The following NUBPL variants were observed in gnomAD, a reference collection of about 807,000 sequenced individuals.
NUBPL encodes the protein iron-sulfur cluster transfer protein NUBPL.
NUBPL carries 31 observed loss-of-function variants against 45.7 expected under a neutral mutation model. The ratio of observed to expected loss-of-function variants is 0.68; its 90% CI spans 0.51 to 0.92. The LOEUF (loss-of-function observed/expected upper bound fraction) is 0.92, where lower values mean the gene tolerates loss of function less well. Ranked by LOEUF, NUBPL falls within the 40% of genes least tolerant of loss-of-function variation. NUBPL has a pLI of 0.00. For synonymous variants in NUBPL, 144 were observed against 140.9 expected (o/e 1.02, Z -0.15); for missense variants, 401 against 398.7 (o/e 1.01, Z -0.05).
intron 10 of NUBPL, among the ~76,000 whole-genome samples, chr14:31,858,471 A>G (rs532403042): frequency 2.4e-4 from 37 of 152,380 alleles, no homozygotes; most frequent in South Asian, 8.3e-4. Context: ...TAAAATGCAA[A>G]TATCATTACC....
chr14:31,733,159 G>GA (rs1319151572), intron 6 of NUBPL, among the ~76,000 whole-genome samples: 1 of 151,770 alleles, frequency 6.6e-6, no homozygotes, highest in Admixed American at 6.6e-5. Flanking sequence ...AGCCTTGGTT[G>GA]AAAAAAAATG....
At chr14:31,612,276 G>A (rs1357762238) in intron 4 of NUBPL, among the ~76,000 whole-genome samples, 12 of 152,168 alleles carry the variant, frequency 7.9e-5, no homozygotes, top group South Asian at 4.1e-4. Flanking sequence ...CAAATCTATA[G>A]GAAAACAATC....
chr14:31,637,590 A>T (rs1213254248), intron 4 of NUBPL, among the ~76,000 whole-genome samples: 1 of 152,184 alleles, frequency 6.6e-6, no homozygotes, highest in Non-Finnish European at 1.5e-5. Flanking sequence ...AGAGTTCTGT[A>T]GATGTCTGTT....
intron 6 of NUBPL, chr14:31,686,835 G>C (rs906721261): frequency 6.6e-6 from 1 of 152,210 alleles, no homozygotes; most frequent in East Asian, 1.9e-4. Context: ...ATTCAGTATG[G>C]CTGGGCACTG....
At chr14:31,816,150 A>C (rs1296582221) in intron 7 of NUBPL, among the ~76,000 whole-genome samples, 3 of 152,160 alleles carry the variant, frequency 2.0e-5, no homozygotes, top group African/African-American at 2.4e-5. Context: ...TTCAGCTGTG[A>C]ATCCATCTGA....
chr14:31,677,291 T>C (rs559484309), intron 6 of NUBPL, among the ~76,000 whole-genome samples: 1 of 152,204 alleles, frequency 6.6e-6, no homozygotes, highest in Non-Finnish European at 1.5e-5. Context: ...TATTCATTCT[T>C]TCTGTTTGTT....
rs577158473 is a variant in NUBPL, at chr14:31,709,853, A to G, written c.513+36279A>G. Among the ~76,000 whole-genome samples the G allele has an allele frequency of 5.9e-5, 9 of 152,282 alleles. No individual in the cohort carries two copies. The East Asian group carries it at 1.4e-3, about 23-fold the overall frequency. On this transcript the variant is annotated intron_variant, in intron 6 of 10. Transcript: ENST00000281081. Reference sequence around the variant, plus strand: ...TATTTCCTTCTGGGCAGGGGAGATTAGAGGAGGATTATCGTTAATAGGACG... The same window carrying G: ...TATTTCCTTCTGGGCAGGGGAGATTGGAGGAGGATTATCGTTAATAGGACG...
intron 6 of NUBPL, among the ~76,000 whole-genome samples, chr14:31,675,853 C>G (rs371889016): frequency 2.0e-5 from 3 of 151,940 alleles, no homozygotes; most frequent in East Asian, 3.9e-4. Flanking sequence ...AATATATATA[C>G]CTATGTAATC....
intron 7 of NUBPL, among the ~76,000 whole-genome samples, chr14:31,793,699 A>G (rs2039424702): frequency 6.6e-6 from 1 of 151,918 alleles, no homozygotes; most frequent in Non-Finnish European, 1.5e-5. Context: ...ATTTTTTCCT[A>G]TTTATCATAG....
intron 6 of NUBPL, among the ~76,000 whole-genome samples, chr14:31,749,348 C>G (rs1290295516): frequency 6.6e-6 from 1 of 152,178 alleles, no homozygotes; most frequent in Non-Finnish European, 1.5e-5. Context: ...CCTTTTGCTT[C>G]CAGATGAAGG....
intron 4 of NUBPL, among the ~76,000 whole-genome samples, chr14:31,613,281 G>A (rs986431270): frequency 2.0e-5 from 3 of 152,266 alleles, no homozygotes; most frequent in South Asian, 4.1e-4. Context: ...TAGAAGGATC[G>A]TTACCAGAGG....
chr14:31,699,997 T>C (rs948052105), intron 6 of NUBPL, among the ~76,000 whole-genome samples: 6 of 152,228 alleles, frequency 3.9e-5, no homozygotes, highest in Non-Finnish European at 8.8e-5. Context: ...CTTGATTTCA[T>C]CATTCTGCCA....
intron 7 of NUBPL, among the ~76,000 whole-genome samples, chr14:31,790,573 C>T (rs1475213475): frequency 4.6e-5 from 7 of 152,280 alleles, no homozygotes; most frequent in Admixed American, 1.3e-4. Flanking sequence ...ACTCTCTGGC[C>T]GGATGTGGTG....
intron 7 of NUBPL, among the ~76,000 whole-genome samples, chr14:31,799,273 C>G (rs2039535228): frequency 1.3e-5 from 2 of 151,880 alleles, no homozygotes; most frequent in African/African-American, 4.8e-5. Context: ...CATGTAGTTT[C>G]TAGAAAATAC....
chr14:31,750,322 C>T (rs1490993483), intron 6 of NUBPL, among the ~76,000 whole-genome samples: 1 of 149,426 alleles, frequency 6.7e-6, no homozygotes, highest in Non-Finnish European at 1.5e-5. Context: ...ACTACAGGCG[C>T]CCACCACCAC....
intron 6 of NUBPL, among the ~76,000 whole-genome samples, chr14:31,780,419 C>T (rs753665914): frequency 2.0e-5 from 3 of 151,972 alleles, no homozygotes; most frequent in Admixed American, 6.6e-5. Flanking sequence ...TAAGAATACT[C>T]ATTAATGGTT....
intron 7 of NUBPL, among the ~76,000 whole-genome samples, chr14:31,825,114 C>T (rs1312335222): frequency 6.6e-6 from 1 of 152,118 alleles, no homozygotes; most frequent in Non-Finnish European, 1.5e-5. Flanking sequence ...TCAGTTCAGG[C>T]CTCTACCATT....
At chr14:31,680,367 G>A (rs2036802281) in intron 6 of NUBPL, among the ~76,000 whole-genome samples, 2 of 152,068 alleles carry the variant, frequency 1.3e-5, no homozygotes, top group Admixed American at 1.3e-4. Context: ...GCTGTATCAT[G>A]CCCTCTCTCA....
intron 6 of NUBPL, among the ~76,000 whole-genome samples, chr14:31,771,157 AG>A (rs1221827605): frequency 3.3e-5 from 5 of 151,006 alleles, no homozygotes; most frequent in Non-Finnish European, 5.9e-5. Flanking sequence ...GATTATTAAA[AG>A]CTAAAGTATT....
Sources: allele counts gnomAD v4.1 joint callset (sites outside exome capture counted in the v4.1 genomes callset), GRCh38; gene constraint gnomAD v4.1.1; transcripts MANE v1.5; gene names NCBI Gene and HGNC (gene_info 2026-07-23, HGNC 2026-07-21).